Variants in CSMD3 observed in about 807,000 individuals in gnomAD.
CSMD3 encodes CUB and sushi domain-containing protein 3.
In CSMD3, 177 loss-of-function variants were observed where a neutral mutation model predicts 435.2. That is an observed-to-expected ratio of 0.41 (90% CI 0.36 to 0.46). CSMD3 has a LOEUF of 0.46. Ranked by LOEUF, CSMD3 falls within the 20% of genes least tolerant of loss-of-function variation. The pLI, the probability that CSMD3 is intolerant of heterozygous loss-of-function variation, is 0.34. For synonymous variants in CSMD3, 1,656 were observed against 1,520.5 expected (o/e 1.09, Z -2.07); for missense variants, 4,265 against 4,504.6 (o/e 0.95, Z 1.52).
At chr8:113,218,696 T>C (rs140811381) in intron 3 of CSMD3, among the ~76,000 whole-genome samples, 1 of 151,424 alleles carries the variant, frequency 6.6e-6, no homozygotes, top group East Asian at 1.9e-4. Flanking sequence ...CTCAGTCTGA[T>C]AAAGGAAATC....
intron 10 of CSMD3, among the ~76,000 whole-genome samples, chr8:112,871,886 C>CA (rs1168630570): frequency 6.6e-6 from 1 of 151,988 alleles, no homozygotes; most frequent in Non-Finnish European, 1.5e-5. Flanking sequence ...AATTTAACCA[C>CA]AAAAATAAGG....
At chr8:112,428,519 C>G (rs1446419726) in intron 32 of CSMD3, among the ~76,000 whole-genome samples, 1 of 152,132 alleles carries the variant, frequency 6.6e-6, no homozygotes, top group Non-Finnish European at 1.5e-5. Flanking sequence ...TTATTGAGAA[C>G]TGATAATGTA....
intron 31 of CSMD3, among the ~76,000 whole-genome samples, chr8:112,483,482 C>T (rs974414842): frequency 2.0e-5 from 3 of 150,642 alleles, no homozygotes; most frequent in South Asian, 4.2e-4. Context: ...GACTCCACCT[C>T]GAAAAAAAAA....
At chr8:112,539,710 T>C (rs1826480947) in intron 27 of CSMD3, among the ~76,000 whole-genome samples, 1 of 152,018 alleles carries the variant, frequency 6.6e-6, no homozygotes, top group Non-Finnish European at 1.5e-5. Context: ...CGTAGAAGAA[T>C]AAAACTAGAC....
intron 10 of CSMD3, among the ~76,000 whole-genome samples, chr8:112,869,188 A>T (rs2081064014): frequency 6.6e-6 from 1 of 152,270 alleles, no homozygotes; most frequent in Non-Finnish European, 1.5e-5. Context: ...TTAAAATGTG[A>T]ATTTATTTTG....
chr8:112,818,887 C>A, intron 12 of CSMD3, among the ~76,000 whole-genome samples: 1 of 152,074 alleles, frequency 6.6e-6, no homozygotes, highest in East Asian at 1.9e-4. Context: ...TGGTGAATTT[C>A]ATAATGAAAA....
At chr8:113,094,807 C>T (rs1481443351) in intron 5 of CSMD3, among the ~76,000 whole-genome samples, 1 of 152,116 alleles carries the variant, frequency 6.6e-6, no homozygotes, top group Non-Finnish European at 1.5e-5. Context: ...TGCGGTAGCT[C>T]ATGCCTGTAA....
chr8:113,336,131 C>T (rs2094072455), intron 1 of CSMD3, among the ~76,000 whole-genome samples: 1 of 151,638 alleles, frequency 6.6e-6, no homozygotes, highest in Non-Finnish European at 1.5e-5. Flanking sequence ...TCCTGTTGTT[C>T]AGATTGAGTA....
intron 24 of CSMD3, among the ~76,000 whole-genome samples, chr8:112,571,941 C>T (rs1440917792): frequency 6.7e-6 from 1 of 149,108 alleles, no homozygotes; most frequent in Non-Finnish European, 1.5e-5. Context: ...AGAACAAAAA[C>T]CATTACGTAA....
At position 113,247,495 on chromosome 8, in the gene CSMD3, A is replaced by G. The variant is rs572859383; in HGVS notation, c.514+31097T>C. Among the ~76,000 whole-genome samples, 6 of 152,246 alleles carry G rather than the reference A, an allele frequency of 3.9e-5. No individual in the cohort carries two copies. In the South Asian group the frequency reaches 1.2e-3, roughly 32 times the overall value. ...TCATCACAATGTTTAGTGTTCTTAA[A>G]TTATCAACCACTGAGATTTAATCAC... is the stretch of plus-strand genomic sequence containing the variant. On this transcript the variant is annotated intron_variant, in intron 3 of 70. Transcript: ENST00000297405.
chr8:112,619,744 C>A (rs1833921841), intron 22 of CSMD3, among the ~76,000 whole-genome samples: 1 of 152,064 alleles, frequency 6.6e-6, no homozygotes, highest in South Asian at 2.1e-4. Flanking sequence ...CTTAAATAAT[C>A]AATTTCTCTT....
intron 4 of CSMD3, among the ~76,000 whole-genome samples, chr8:113,103,765 T>A (rs1031352928): frequency 1.3e-5 from 2 of 152,084 alleles, no homozygotes; most frequent in Non-Finnish European, 2.9e-5. Flanking sequence ...AATGCTTTTT[T>A]ATCTCTTACC....
chr8:113,269,835 T>C lies in CSMD3; in HGVS notation c.514+8757A>G, dbSNP rs546434733. Among the ~76,000 whole-genome samples the C allele has an allele frequency of 6.0e-4, 91 of 152,058 alleles. 2 individuals carry two copies. The South Asian group carries it at 0.017, about 28-fold the overall frequency. ...ATTCAATATGGATTAAAGACTTAAA[T>C]GTTAGACCTAAAACCATAAAAACCC... On this transcript the variant is annotated intron_variant, in intron 3 of 70. Coordinates refer to ENST00000297405, the MANE Select transcript of CSMD3 (RefSeq NM_198123.2).
chr8:112,538,259 G>A (rs967957545), intron 27 of CSMD3, among the ~76,000 whole-genome samples: 10 of 151,914 alleles, frequency 6.6e-5, no homozygotes, highest in South Asian at 4.1e-4. Flanking sequence ...GGGAAATGTC[G>A]ACAGCCTTTT....
rs12549033 is a variant in CSMD3, at chr8:112,769,113, T to G, written c.1972+31049A>C. Among the ~76,000 whole-genome samples, 920 of 152,084 alleles carry G rather than the reference T, an allele frequency of 6.0e-3. 38 individuals are homozygous for G. The highest frequency in any genetic ancestry group is 0.055 in the Admixed American group (832 of 15,224). ...TTAGCTCTTCTGACTCTTACCACCT[T>G]GCTCTAATATGGAATGATCTCTCAC... On this transcript the variant is annotated intron_variant, in intron 13 of 70. Transcript: ENST00000297405.
At chr8:113,241,930 G>C (rs1180664545) in intron 3 of CSMD3, among the ~76,000 whole-genome samples, 2 of 150,492 alleles carry the variant, frequency 1.3e-5, no homozygotes, top group Non-Finnish European at 3.0e-5. Flanking sequence ...CAAGAAAACT[G>C]TTTATATAAA....
chr8:112,292,755 A>T, intron 54 of CSMD3, 45 bp from the exon 55 acceptor site: 1 of 1,541,170 alleles, frequency 6.5e-7, no homozygotes, highest in South Asian at 1.1e-5. Context: ...CACAGAAAAA[A>T]AATATTTAGT....
In CSMD3 at chr8:112,630,191, G is replaced by A. The variant is rs372219277; in HGVS notation, c.3715+6626C>T. On this transcript the variant is annotated intron_variant, in intron 22 of 70. Coordinates refer to ENST00000297405, the MANE Select transcript of CSMD3 (RefSeq NM_198123.2). ...CTCAACCCACAGAAACCATGAGAAA[G>A]TAACTGTATTGTATAAAGTCTCTAA... is the stretch of plus-strand genomic sequence containing the variant. Among the ~76,000 whole-genome samples, 14 of 152,178 alleles carry A rather than the reference G, an allele frequency of 9.2e-5. No individual in the cohort carries two copies. The East Asian group carries it at 2.1e-3, about 23-fold the overall frequency.
At chr8:113,401,094 C>T (rs2094508035) in intron 1 of CSMD3, among the ~76,000 whole-genome samples, 1 of 151,716 alleles carries the variant, frequency 6.6e-6, no homozygotes, top group African/African-American at 2.4e-5. Flanking sequence ...AGAAAAAATA[C>T]ATACAAACAT....
Sources: allele counts gnomAD v4.1 joint callset (sites outside exome capture counted in the v4.1 genomes callset), GRCh38; gene constraint gnomAD v4.1.1; transcripts MANE v1.5; gene names NCBI Gene and HGNC (gene_info 2026-07-23, HGNC 2026-07-21).